Variants in GABARAPL1 observed in about 807,000 individuals in gnomAD.
GABARAPL1 encodes gamma-aminobutyric acid receptor-associated protein-like 1.
A neutral mutation model predicts 14.5 loss-of-function variants in GABARAPL1; 4 were observed. The ratio of observed to expected loss-of-function variants is 0.28; its 90% confidence interval spans 0.14 to 0.63. GABARAPL1 has a LOEUF of 0.63. GABARAPL1 is among the 30% of genes least tolerant of loss of function. GABARAPL1 has a pLI of 0.84. For synonymous variants in GABARAPL1, 47 were observed against 50.6 expected (o/e 0.93, Z 0.30); for missense variants, 82 against 139.2 (o/e 0.59, Z 2.07).
At chr12:10,221,302 T>G in intron 3 of GABARAPL1, 1 of 971,946 alleles carries the variant, frequency 1.0e-6, no homozygotes, top group Non-Finnish European at 1.2e-6. Context: ...CTGAGGAAAC[T>G]ATAGTGAAGG....
chr12:10,216,231 C>T (rs986675927), intron 1 of GABARAPL1, among the ~76,000 whole-genome samples: 4 of 151,908 alleles, frequency 2.6e-5, no homozygotes, highest in African/African-American at 4.8e-5. Flanking sequence ...ATTAGCCGGG[C>T]GTGGTGGCAT....
At position 10,213,004 on chromosome 12, in the gene GABARAPL1, GC is replaced by G; in HGVS notation, c.-121del. On this transcript the variant is annotated 5_prime_UTR_variant, in exon 1 of 4. Transcript: ENST00000266458. ...CCTGCACACTCGGCCCAGCGCTGTT[GC>G]CCCCGGAGCGGACGTTTCTGCAGCT... The G allele has an allele frequency of 1.7e-6, 1 of 587,938 alleles. No homozygotes were observed. The highest frequency in any genetic ancestry group is 3.2e-6 in the Non-Finnish European group (1 of 312,960). The allele number at this position is 587,938 out of a possible 1,614,324, so 36.4% of individuals were successfully genotyped here. A position where few individuals can be genotyped will look rare whatever the true frequency, so the allele number is the denominator to read the frequency against.
chr12:10,213,115 G>A lies in GABARAPL1; in HGVS notation c.-15G>A, dbSNP rs1364755990. On this transcript the variant is annotated 5_prime_UTR_variant, in exon 1 of 4. Transcript: ENST00000266458. ...CAGGCCCCGCGCGGGGATCTCGGAAGCCCTGCGGTGCATCATGAAGTTCCA... is the reference window on the plus strand; with the variant it reads ...CAGGCCCCGCGCGGGGATCTCGGAAACCCTGCGGTGCATCATGAAGTTCCA... 1.9e-6 allele frequency: 3 copies of A among 1,539,396 alleles called. No individual in the cohort carries two copies. Among genetic ancestry groups the A allele is most frequent in the South Asian group, 2.3e-5 (2 of 85,220 alleles).
intron 2 of GABARAPL1, among the ~76,000 whole-genome samples, chr12:10,218,367 G>A (rs1949102207): frequency 1.3e-5 from 2 of 152,094 alleles, no homozygotes; most frequent in Non-Finnish European, 2.9e-5. Context: ...AGGTCAGATC[G>A]AGACCATCCT....
At chr12:10,213,436 G>T in intron 1 of GABARAPL1, 1 of 605,144 alleles carries the variant, frequency 1.7e-6, no homozygotes, top group Non-Finnish European at 3.1e-6. Context: ...CCCACTTCAG[G>T]GCTGACGGCG....
In GABARAPL1 at chr12:10,213,099, C is replaced by G; in HGVS notation, c.-31C>G. ...TCAGCGGCGAAGGAGGCAGGCCCCG[C>G]GCGGGGATCTCGGAAGCCCTGCGGT... is the stretch of plus-strand genomic sequence containing the variant. On this transcript the variant is annotated 5_prime_UTR_variant, in exon 1 of 4. Transcript: ENST00000266458. 1 of 1,412,002 alleles carries G rather than the reference C, an allele frequency of 7.1e-7. No individual in the cohort carries two copies. Among genetic ancestry groups the G allele is most frequent in the Middle Eastern group, 1.8e-4 (1 of 5,678 alleles). 87.5% of individuals were successfully genotyped at this position (1,412,002 alleles called of 1,614,324 possible). A position where few individuals can be genotyped will look rare whatever the true frequency, so the allele number is the denominator to read the frequency against.
At chr12:10,215,029 G>A (rs1300040268) in intron 1 of GABARAPL1, among the ~76,000 whole-genome samples, 1 of 152,198 alleles carries the variant, frequency 6.6e-6, no homozygotes, top group African/African-American at 2.4e-5. Context: ...CTAGGGTTAT[G>A]TTTTAACCAG....
chr12:10,217,306 G>T (rs1949096131), intron 1 of GABARAPL1, among the ~76,000 whole-genome samples: 1 of 152,152 alleles, frequency 6.6e-6, no homozygotes, highest in African/African-American at 2.4e-5. Flanking sequence ...AATCTTTACA[G>T]TTCTTGGAAA....
At position 10,222,385 on chromosome 12, in the gene GABARAPL1, G is replaced by C. The variant is rs1949124650; in HGVS notation, c.*533G>C. The C allele has an allele frequency of 6.4e-6, 1 of 156,612 alleles. No homozygotes were observed. The highest frequency in any genetic ancestry group is 2.4e-5 in the African/African-American group (1 of 41,456). The allele number at this position is 156,612 out of a possible 1,614,324, so 9.7% of individuals were successfully genotyped here. A position where few individuals can be genotyped will look rare whatever the true frequency, so the allele number is the denominator to read the frequency against. On this transcript the variant is annotated 3_prime_UTR_variant, in exon 4 of 4. Coordinates refer to ENST00000266458, the MANE Select transcript of GABARAPL1 (RefSeq NM_031412.4). ...CTCACACTTCTTTTCTCCCATCCCG[G>C]TTGCAATCTCACTCAGACATCACAG...
chr12:10,221,375 T>C, intron 3 of GABARAPL1: 1 of 979,354 alleles, frequency 1.0e-6, no homozygotes, highest in Non-Finnish European at 1.2e-6. Context: ...GTATTTTGCA[T>C]AAGATGCTTC....
intron 1 of GABARAPL1, chr12:10,213,570 G>T: frequency 6.0e-6 from 2 of 336,010 alleles, no homozygotes; most frequent in South Asian, 4.7e-5. Flanking sequence ...GTTAGATCGG[G>T]GCCATGGATT....
At chr12:10,214,106 C>T (rs1949074430) in intron 1 of GABARAPL1, 3 of 287,824 alleles carry the variant, frequency 1.0e-5, no homozygotes, top group African/African-American at 2.2e-5. Flanking sequence ...CAGAATATGG[C>T]TTAAGTGGTA....
At chr12:10,216,346 G>A (rs1334707866) in intron 1 of GABARAPL1, among the ~76,000 whole-genome samples, 5 of 151,802 alleles carry the variant, frequency 3.3e-5, no homozygotes, top group East Asian at 2.0e-4. Flanking sequence ...ACGCCAGCCC[G>A]GGCGACACAT....
intron 2 of GABARAPL1, among the ~76,000 whole-genome samples, chr12:10,219,605 G>T (rs1033254373): frequency 1.3e-5 from 2 of 152,002 alleles, no homozygotes; most frequent in Non-Finnish European, 2.9e-5. Flanking sequence ...TTTGAGACCA[G>T]CCTGGCCAAC....
At chr12:10,221,718 T>G in intron 3 of GABARAPL1, 69 bp from the exon 4 acceptor site, 2 of 1,555,460 alleles carry the variant, frequency 1.3e-6, no homozygotes, top group Non-Finnish European at 1.8e-6. Flanking sequence ...CAAGGTTGTG[T>G]GAGGCTCAGC....
chr12:10,215,587 G>T (rs1460228919), intron 1 of GABARAPL1, among the ~76,000 whole-genome samples: 1 of 151,832 alleles, frequency 6.6e-6, no homozygotes, highest in Admixed American at 6.6e-5. Flanking sequence ...ATATTTTAAT[G>T]ATTACCCCTC....
chr12:10,216,459 GT>G (rs200027486), intron 1 of GABARAPL1, among the ~76,000 whole-genome samples: 3,864 of 140,110 alleles, frequency 0.028, 165 homozygotes, highest in African/African-American at 0.092. Context: ...TACTCATACA[GT>G]TTTTTTTTTT....
chr12:10,220,292 G>A lies in GABARAPL1; in HGVS notation c.170-148G>A, dbSNP rs182121751. On this transcript the variant is annotated intron_variant, in intron 2 of 3. Transcript: ENST00000266458. ...CTTTTTATTTTGAAAGCTCCAGGCC[G>A]GTATTTGGCTCTTCTCAGATGGTAT... 1,198 of 1,059,850 alleles carry A rather than the reference G, an allele frequency of 1.1e-3. 15 individuals are homozygous for A. Among genetic ancestry groups the A allele is most frequent in the African/African-American group, 3.5e-3 (224 of 63,222 alleles). The allele number at this position is 1,059,850 out of a possible 1,614,324, so 65.7% of individuals were successfully genotyped here.
chr12:10,220,182 A>C (rs1314855301), intron 2 of GABARAPL1, among the ~76,000 whole-genome samples: 1 of 152,156 alleles, frequency 6.6e-6, no homozygotes, highest in African/African-American at 2.4e-5. Context: ...ATATGCTAAC[A>C]TGAGGTCTGA....
Sources: gnomAD v4.1 joint callset for allele counts (sites outside exome capture counted in the v4.1 genomes callset) on GRCh38, gnomAD v4.1.1 for gene constraint, MANE v1.5 for transcripts, NCBI Gene and HGNC (gene_info 2026-07-23, HGNC 2026-07-21) for gene names.